Variants in PAX3 observed in about 807,000 individuals in gnomAD.
PAX3 encodes paired box protein Pax-3.
A neutral mutation model predicts 51.6 loss-of-function variants in PAX3; 14 were observed. The observed-to-expected ratio is 0.27, with a 90% CI of 0.18 to 0.42. The LOEUF (loss-of-function observed/expected upper bound fraction) is 0.42, where lower values mean the gene tolerates loss of function less well. PAX3 is among the 10% of genes least tolerant of loss of function. The pLI is 1.00. For synonymous variants in PAX3, 280 were observed against 253.4 expected (o/e 1.11, Z -1.00); for missense variants, 540 against 642.8 (o/e 0.84, Z 1.73).
intron 5 of PAX3, among the ~76,000 whole-genome samples, chr2:222,227,988 C>T (rs1276206378): frequency 1.3e-5 from 2 of 152,054 alleles, no homozygotes; most frequent in African/African-American, 2.4e-5. Flanking sequence ...GGGGGTGTTT[C>T]GTGTTTGGTT....
chr2:222,298,486 TC>T, intron 1 of PAX3, 44 bp downstream of exon 1: 2 of 1,508,216 alleles, frequency 1.3e-6, no homozygotes, highest in Middle Eastern at 1.9e-4. Context: ...AGGCAGCCGG[TC>T]CCAGGCCCTG....
intron 3 of PAX3, 53 bp from the exon 4 acceptor site, chr2:222,294,354 A>G (rs2106197229): frequency 6.2e-7 from 1 of 1,607,346 alleles, no homozygotes; most frequent in Non-Finnish European, 8.5e-7. Context: ...TGAGACAAGC[A>G]GGGCTGTGCG....
intron 5 of PAX3, among the ~76,000 whole-genome samples, chr2:222,222,045 C>T (rs559754574): frequency 3.9e-5 from 6 of 152,192 alleles, no homozygotes; most frequent in Non-Finnish European, 4.4e-5. Flanking sequence ...TCAACAACAG[C>T]TTTAAGCTCC....
chr2:222,297,176 G>A lies in PAX3; in HGVS notation c.123C>T (p.Leu41=). 6.3e-6 allele frequency: 10 copies of A among 1,596,594 alleles called. No individual in the cohort carries two copies. Among genetic ancestry groups the A allele is most frequent in the Non-Finnish European group, 8.5e-6 (10 of 1,171,818 alleles). ...TPLGQGRVNQ[L]GGVFINGRPL... The stretch of plus-strand genomic sequence containing the variant: ...GCCTGCCGTTGATAAAAACACCGCC[G>A]AGCTGGTTGACGCGGCCCTGGCCGA... Residue 41 remains leucine (L), a synonymous_variant, in exon 2 of 9, where the codon CTC becomes CTT. Transcript: ENST00000392070.
At chr2:222,255,917 A>ATT (rs57757180) in intron 4 of PAX3, among the ~76,000 whole-genome samples, 13,364 of 98,308 alleles carry the variant, frequency 0.14, 1,193 homozygotes, top group Middle Eastern at 0.17. Flanking sequence ...CGCCCAGCTA[A>ATT]TTTTTTTTTT....
Position 222,298,568 on chromosome 2 carries a change from C to A in PAX3, c.48G>T (p.Pro16=), listed in dbSNP as rs761391759. ...ACCCGCTACGCGGGTAGTTCTGCCC[C>A]GGGCCCGGCCGCATCATCCTGGGCA... ...GAVPRMMRPG[P]GQNYPRSGFP... The change falls in exon 1 of 9, where the codon CCG becomes CCT. Residue 16 remains proline, a synonymous_variant. Transcript: ENST00000392070. The A allele has an allele frequency of 6.2e-7, 1 of 1,607,948 alleles. No individual in the cohort carries two copies. The highest frequency in any genetic ancestry group is 8.5e-7 in the Non-Finnish European group (1 of 1,177,672).
chr2:222,264,868 A>C (rs1693987100), intron 4 of PAX3: 1 of 152,220 alleles, frequency 6.6e-6, no homozygotes, highest in Admixed American at 6.5e-5. Context: ...CACATGCACC[A>C]TGTGACCATT....
chr2:222,297,778 C>A (rs542249888), intron 1 of PAX3, among the ~76,000 whole-genome samples: 82 of 152,346 alleles, frequency 5.4e-4, no homozygotes, highest in African/African-American at 1.9e-3. Context: ...ACAGCAGCGG[C>A]AGGGCTGTTC....
chr2:222,272,390 C>G (rs1232975969), intron 4 of PAX3, among the ~76,000 whole-genome samples: 1 of 152,176 alleles, frequency 6.6e-6, no homozygotes, highest in African/African-American at 2.4e-5. Context: ...TCTCTAGGAA[C>G]AGACATCCTG....
intron 4 of PAX3, among the ~76,000 whole-genome samples, chr2:222,259,337 T>A (rs1693759878): frequency 6.6e-6 from 1 of 152,210 alleles, no homozygotes; most frequent in African/African-American, 2.4e-5. Flanking sequence ...TCATATGACA[T>A]TAAAGGCAGG....
At chr2:222,260,124 C>T (rs1210040365) in intron 4 of PAX3, among the ~76,000 whole-genome samples, 1 of 152,164 alleles carries the variant, frequency 6.6e-6, no homozygotes, top group African/African-American at 2.4e-5. Context: ...ATTCTCCTGC[C>T]TCAGTCTCCC....
chr2:222,233,806 G>A (rs1028802798), intron 4 of PAX3, among the ~76,000 whole-genome samples: 5 of 152,164 alleles, frequency 3.3e-5, no homozygotes, highest in Non-Finnish European at 7.3e-5. Context: ...CTGTAAAGAA[G>A]GGGCCGAGGT....
chr2:222,261,167 C>T (rs1486828355), intron 4 of PAX3, among the ~76,000 whole-genome samples: 6 of 152,158 alleles, frequency 3.9e-5, no homozygotes, highest in African/African-American at 1.4e-4. Context: ...TATCAGCAAA[C>T]AACGATTTTG....
intron 4 of PAX3, among the ~76,000 whole-genome samples, chr2:222,250,211 T>C (rs1206326259): frequency 1.3e-5 from 2 of 152,170 alleles, no homozygotes; most frequent in Admixed American, 1.3e-4. Flanking sequence ...GCTGAAATAG[T>C]TTGTGAAATT....
At chr2:222,234,691 A>G (rs1337976936) in intron 4 of PAX3, among the ~76,000 whole-genome samples, 2 of 152,148 alleles carry the variant, frequency 1.3e-5, no homozygotes, top group Admixed American at 1.3e-4. Flanking sequence ...ACCCCAGATA[A>G]CACTGCCCAC....
At chr2:222,293,631 C>G in intron 4 of PAX3, 1 of 1,613,666 alleles carries the variant, frequency 6.2e-7, no homozygotes, top group Non-Finnish European at 8.5e-7. Context: ...ACAAATCAAA[C>G]CAGTCAACAC....
rs3832105 is a variant in PAX3 at position 222,201,298 on chromosome 2, ACC to A, written c.*108_*109del. On this transcript the variant is annotated 3_prime_UTR_variant, in exon 9 of 9. Coordinates refer to ENST00000392070, the MANE Select transcript of PAX3 (RefSeq NM_181458.4). Reference sequence around the variant, plus strand: ...TGTCTCCTATTGGGACCACTGCCCCACCCCCCCCAACAAAAGGGTAATTTTTT... The same window carrying A: ...TGTCTCCTATTGGGACCACTGCCCCACCCCCCAACAAAAGGGTAATTTTTT... 6 of 1,598,662 alleles carry A rather than the reference ACC, an allele frequency of 3.8e-6. No individual in the cohort carries two copies. The highest frequency in any genetic ancestry group is 5.1e-6 in the Non-Finnish European group (6 of 1,174,942).
At chr2:222,262,445 G>A (rs1383286795) in intron 4 of PAX3, 2 of 151,954 alleles carry the variant, frequency 1.3e-5, no homozygotes, top group Non-Finnish European at 2.9e-5. Context: ...TTGCATAGAG[G>A]AAAAATTTAT....
chr2:222,235,995 A>C (rs1692785351), intron 4 of PAX3, among the ~76,000 whole-genome samples: 1 of 152,324 alleles, frequency 6.6e-6, no homozygotes, highest in Non-Finnish European at 1.5e-5. Flanking sequence ...CTGGAAACTT[A>C]TTTGAGAAAC....
Sources: allele counts gnomAD v4.1 joint callset (sites outside exome capture counted in the v4.1 genomes callset), GRCh38; gene constraint gnomAD v4.1.1; transcripts MANE v1.5; gene names NCBI Gene and HGNC (gene_info 2026-07-23, HGNC 2026-07-21).